XKR6: variants seen among roughly 807,000 people sequenced by gnomAD.
XKR6 encodes the protein XK-related protein 6.
XKR6 carries 22 observed loss-of-function variants against 56.7 expected under a neutral mutation model. The observed-to-expected ratio is 0.39, with a 90% CI of 0.28 to 0.55. XKR6 has a LOEUF of 0.55. XKR6 is among the 20% of genes least tolerant of loss of function. The probability of loss-of-function intolerance (pLI) is 0.66; values close to 1 mark genes in which losing one functional copy is unlikely to be tolerated. For missense variants in XKR6, 852 were observed against 889.0 expected, an observed-to-expected ratio of 0.96 and a Z score of 0.53; for synonymous variants, 524 against 387.8, an observed-to-expected ratio of 1.35 and a Z score of -4.13.
intron 1 of XKR6, among the ~76,000 whole-genome samples, chr8:11,125,050 C>T (rs1799695803): frequency 6.8e-6 from 1 of 146,878 alleles, no homozygotes; most frequent in Non-Finnish European, 1.5e-5. Context: ...GATCACGCCA[C>T]TGCACTCCAG....
chr8:11,157,799 G>A (rs943720370), intron 1 of XKR6, among the ~76,000 whole-genome samples: 13 of 152,132 alleles, frequency 8.5e-5, no homozygotes, highest in Non-Finnish European at 1.3e-4. Flanking sequence ...ACAGGCGTGA[G>A]CCACCATGCC....
intron 1 of XKR6, among the ~76,000 whole-genome samples, chr8:11,018,902 C>T (rs1203848183): frequency 1.3e-5 from 2 of 152,286 alleles, no homozygotes; most frequent in African/African-American, 2.4e-5. Flanking sequence ...AGACCACTTC[C>T]TGCTTCCCAA....
intron 1 of XKR6, among the ~76,000 whole-genome samples, chr8:11,030,344 C>G (rs1476524567): frequency 6.6e-6 from 1 of 152,220 alleles, no homozygotes; most frequent in Non-Finnish European, 1.5e-5. Flanking sequence ...TGAGAATGTA[C>G]ATGCTGCCAT....
At chr8:11,106,345 T>C (rs1230905280) in intron 1 of XKR6, 1 of 152,126 alleles carries the variant, frequency 6.6e-6, no homozygotes, top group East Asian at 1.9e-4. Context: ...AACTACCTCC[T>C]TAACTCAGAA....
At chr8:11,152,565 A>T (rs773261843) in intron 1 of XKR6, among the ~76,000 whole-genome samples, 2 of 152,234 alleles carry the variant, frequency 1.3e-5, no homozygotes, top group African/African-American at 4.8e-5. Context: ...GCCCCTGAAG[A>T]ACTTTCCCTG....
At chr8:10,984,238 G>C (rs1209990537) in intron 1 of XKR6, among the ~76,000 whole-genome samples, 1 of 152,058 alleles carries the variant, frequency 6.6e-6, no homozygotes, top group Non-Finnish European at 1.5e-5. Context: ...TACTGAAAAA[G>C]CATTTTCTAA....
intron 1 of XKR6, among the ~76,000 whole-genome samples, chr8:10,962,119 G>A (rs1258527610): frequency 6.6e-6 from 1 of 152,244 alleles, no homozygotes. Flanking sequence ...GGGGGCGACA[G>A]AGTGGGAGGA....
chr8:11,035,278 G>A (rs368666689), intron 1 of XKR6: 13 of 534,656 alleles, frequency 2.4e-5, no homozygotes, highest in East Asian at 5.4e-5. Context: ...CGGGATCACC[G>A]CCAGCATCAG....
At chr8:11,186,639 C>T (rs1312060451) in intron 1 of XKR6, among the ~76,000 whole-genome samples, 1 of 152,186 alleles carries the variant, frequency 6.6e-6, no homozygotes, top group African/African-American at 2.4e-5. Flanking sequence ...CTTGGCCTTG[C>T]AAAGTGGTGA....
At chr8:11,121,266 G>A (rs1454705924) in intron 1 of XKR6, among the ~76,000 whole-genome samples, 2 of 152,122 alleles carry the variant, frequency 1.3e-5, no homozygotes, top group Non-Finnish European at 1.5e-5. Context: ...CAGAATGGGA[G>A]AAAATTTTTG....
chr8:11,178,864 C>A (rs1223671610), intron 1 of XKR6, among the ~76,000 whole-genome samples: 3 of 151,320 alleles, frequency 2.0e-5, no homozygotes, highest in Admixed American at 1.3e-4. Flanking sequence ...GAGACAGGGT[C>A]TCACTCAGGC....
At chr8:10,949,141 C>T (rs1934630221) in intron 1 of XKR6, among the ~76,000 whole-genome samples, 2 of 152,234 alleles carry the variant, frequency 1.3e-5, no homozygotes, top group Non-Finnish European at 2.9e-5. Flanking sequence ...GCCTGGGCCC[C>T]GGGGCTGCCT....
intron 2 of XKR6, among the ~76,000 whole-genome samples, chr8:10,901,892 G>A (rs549891954): frequency 6.6e-6 from 1 of 152,220 alleles, no homozygotes; most frequent in African/African-American, 2.4e-5. Context: ...TGTGACATTG[G>A]CCCCGTTCAC....
At chr8:11,104,243 G>C (rs116608201) in intron 1 of XKR6, among the ~76,000 whole-genome samples, 1 of 152,234 alleles carries the variant, frequency 6.6e-6, no homozygotes, top group Non-Finnish European at 1.5e-5. Context: ...ACACTTTGGA[G>C]AACTGTGAAT....
chr8:11,194,129 TA>T (rs929296701), intron 1 of XKR6, among the ~76,000 whole-genome samples: 7 of 152,200 alleles, frequency 4.6e-5, no homozygotes, highest in African/African-American at 1.7e-4. Flanking sequence ...GCTTTAAAAA[TA>T]GATTAAGTGA....
At chr8:10,987,518 G>A (rs1270334092) in intron 1 of XKR6, among the ~76,000 whole-genome samples, 3 of 152,174 alleles carry the variant, frequency 2.0e-5, no homozygotes, top group Non-Finnish European at 4.4e-5. Flanking sequence ...TCCCTTGTGT[G>A]ACTATGCACA....
chr8:11,091,055 G>A (rs1400691942), intron 1 of XKR6, among the ~76,000 whole-genome samples: 1 of 152,126 alleles, frequency 6.6e-6, no homozygotes, highest in African/African-American at 2.4e-5. Context: ...TCTTAGGTGA[G>A]AGGTAGGAAA....
chr8:10,968,138 G>T (rs1262380221), intron 1 of XKR6, among the ~76,000 whole-genome samples: 1 of 152,170 alleles, frequency 6.6e-6, no homozygotes, highest in Non-Finnish European at 1.5e-5. Context: ...GCTCAGGCAG[G>T]TGGGAGTCGC....
chr8:10,945,409 G>A (rs887184316), intron 1 of XKR6, among the ~76,000 whole-genome samples: 6 of 152,126 alleles, frequency 3.9e-5, no homozygotes, highest in Admixed American at 1.3e-4. Flanking sequence ...GCTTGAACTC[G>A]GGAGGTGGAA....
Sources: gnomAD v4.1 joint callset for allele counts (sites outside exome capture counted in the v4.1 genomes callset) on GRCh38, gnomAD v4.1.1 for gene constraint, MANE v1.5 for transcripts, NCBI Gene and HGNC (gene_info 2026-07-23, HGNC 2026-07-21) for gene names.